The following MACF1 variants were observed in gnomAD, a reference collection of about 807,000 sequenced individuals.
MACF1 encodes microtubule actin crosslinking factor 1, also known as microtubule-actin cross-linking factor 1.
Under a neutral mutation model 854.8 loss-of-function variants are expected in MACF1, and 193 were observed. The ratio of observed to expected loss-of-function variants is 0.23; its 90% CI spans 0.20 to 0.25. The LOEUF (loss-of-function observed/expected upper bound fraction) is 0.25, where lower values mean the gene tolerates loss of function less well. Among genes scored for constraint, MACF1 ranks in the 10% least tolerant of loss-of-function variants. The pLI is 1.00. For missense variants in MACF1, 7,722 were observed against 8,929.1 expected (o/e 0.86, Z 5.45); for synonymous variants, 3,185 against 3,226.7 (o/e 0.99, Z 0.44).
intron 92 of MACF1, among the ~76,000 whole-genome samples, chr1:39,461,127 G>T (rs1570163352): frequency 6.6e-6 from 1 of 150,510 alleles, no homozygotes; most frequent in South Asian, 2.1e-4. Flanking sequence ...GAGGTTTTCA[G>T]CTGGGAAACA....
chr1:39,331,065 C>A, intron 36 of MACF1, 138 bp from the exon 37 acceptor site: 1 of 1,256,194 alleles, frequency 8.0e-7, no homozygotes, highest in Non-Finnish European at 1.0e-6. Context: ...AGATTATAGG[C>A]GTGAGCCACT....
rs1225839516 is a variant in MACF1, at chr1:39,105,618, G to A, written c.220+21180G>A. 4 of 1,222,840 alleles carry A rather than the reference G, an allele frequency of 3.3e-6. No homozygotes were observed. Among genetic ancestry groups the A allele is most frequent in the Non-Finnish European group, 4.2e-6 (4 of 955,492 alleles). 75.7% of individuals were successfully genotyped at this position (1,222,840 alleles called of 1,614,324 possible). On this transcript the variant is annotated intron_variant, in intron 2 of 93. Transcript: ENST00000361689. The surrounding 1 kb of genome is among the most constrained non-coding windows in gnomAD (Gnocchi z 5.9). The stretch of plus-strand genomic sequence containing the variant: ...GGGGCTCGGCGAGAAGGCGGTGCGG[G>A]CGGCCATGGCCGGCTACGTGCCGGG...
intron 58 of MACF1, among the ~76,000 whole-genome samples, chr1:39,406,738 C>CAGAA (rs1642718296): frequency 3.1e-5 from 1 of 31,838 alleles, no homozygotes; most frequent in Non-Finnish European, 5.9e-5. Context: ...GAGTCTCACT[C>CAGAA]AAAAAAAAAA....
rs1643039497 is a variant in MACF1 at position 39,132,880 on chromosome 1, AT to A, written c.220+48444del. Among the ~76,000 whole-genome samples, 8 of 152,172 alleles carry A rather than the reference AT, an allele frequency of 5.3e-5. No homozygotes were observed. In the South Asian group the frequency reaches 1.5e-3, roughly 28 times the overall value. ...TGGGAGAGACACAGGCTCTAAGAAGATTGTTTCGAATCCCTTTCCTGGGCTG... is the reference window on the plus strand; with the variant it reads ...TGGGAGAGACACAGGCTCTAAGAAGATGTTTCGAATCCCTTTCCTGGGCTG... On this transcript the variant is annotated intron_variant, in intron 2 of 93. Transcript: ENST00000361689.
At chr1:39,449,500 G>A (rs1454385078) in intron 84 of MACF1, among the ~76,000 whole-genome samples, 2 of 151,576 alleles carry the variant, frequency 1.3e-5, no homozygotes, top group Non-Finnish European at 2.9e-5. Context: ...CCAGGTTCAC[G>A]CCATTCTCCT....
At chr1:39,205,236 G>A (rs978161751) in intron 1 of MACF1, 105 bp downstream of exon 1, 82 of 669,614 alleles carry the variant, frequency 1.2e-4, no homozygotes, top group Admixed American at 2.2e-4. Flanking sequence ...GGGCCAGTAC[G>A]TCCTTCAGCT....
chr1:39,268,138 C>T (rs1489344791), intron 6 of MACF1, among the ~76,000 whole-genome samples: 9 of 152,150 alleles, frequency 5.9e-5, no homozygotes, highest in African/African-American at 1.2e-4. Flanking sequence ...CTTCTTGGCC[C>T]GGGCCCTTCC....
upstream of MACF1, among the ~76,000 whole-genome samples, chr1:39,202,591 T>C (rs1644404635): frequency 6.6e-6 from 1 of 151,370 alleles, no homozygotes; most frequent in African/African-American, 2.4e-5. Flanking sequence ...GCCAAGATCA[T>C]GCCACTGCAC....
chr1:39,389,360 T>G (rs1390502935), intron 58 of MACF1, among the ~76,000 whole-genome samples: 3 of 124,206 alleles, frequency 2.4e-5, no homozygotes, highest in African/African-American at 1.1e-4. Context: ...TGTTTTTTTT[T>G]TTTTTTTTTT....
In MACF1 at chr1:39,388,273, G is replaced by T; in HGVS notation, c.15431G>T (p.Gly5144Val). 1.2e-6 allele frequency: 2 copies of T among 1,614,186 alleles called. No homozygotes were observed. Among genetic ancestry groups the T allele is most frequent in the Non-Finnish European group, 1.7e-6 (2 of 1,180,042 alleles). The change falls in exon 58 of 101, where the codon GGC becomes GTC. Residue 5144 changes from glycine to valine, a missense_variant. Gly to Val is a moderately radical substitution (Grantham distance 109, BLOSUM62 -3). Transcript: ENST00000564288. ...QLADLDDELD[G>V]MGAIGRDTDS... ...GCAGACCTGGATGATGAGCTAGATG[G>T]CATGGGTGCTATTGGCAGAGACACT...
At chr1:39,479,685 C>T in intron 97 of MACF1, 113 bp from the exon 98 acceptor site, 1 of 851,272 alleles carries the variant, frequency 1.2e-6, no homozygotes, top group Non-Finnish European at 1.9e-6. Context: ...ACAGATGGTA[C>T]TAAACCCATA....
Position 39,481,041 on chromosome 1 carries a change from G to A in MACF1, c.22281+11G>A. On this transcript the variant is annotated intron_variant, in intron 99 of 100. Coordinates refer to ENST00000564288, the MANE Select transcript of MACF1 (RefSeq NM_001394062.1). Reference sequence around the variant, plus strand: ...CTGCCCACCCCCGAGGTAGAGTATGGCTTTGCTGACTGAGGACACAGTCAA... The same window carrying A: ...CTGCCCACCCCCGAGGTAGAGTATGACTTTGCTGACTGAGGACACAGTCAA... 4 of 1,524,072 alleles carry A rather than the reference G, an allele frequency of 2.6e-6. No homozygotes were observed. The highest frequency in any genetic ancestry group is 3.6e-6 in the Non-Finnish European group (4 of 1,122,916). 94.4% of individuals were successfully genotyped at this position (1,524,072 alleles called of 1,614,324 possible).
At chr1:39,386,637 G>T (rs544610026) in intron 57 of MACF1, among the ~76,000 whole-genome samples, 6 of 152,246 alleles carry the variant, frequency 3.9e-5, no homozygotes, top group African/African-American at 1.4e-4. Context: ...TCACCATGTT[G>T]GCCAGGCTGG....
chr1:39,448,273 AATG>A, intron 83 of MACF1, 121 bp downstream of exon 83: 2 of 1,154,276 alleles, frequency 1.7e-6, no homozygotes, highest in South Asian at 3.2e-5. Context: ...TAAAAGTCAA[AATG>A]ATGAAGCCAG....
chr1:39,324,341 A>G lies in MACF1; in HGVS notation c.4385A>G (p.Gln1462Arg), dbSNP rs375455743. Residue 1462 changes from glutamine (Q) to arginine (R), a missense_variant, in exon 34 of 101, where the codon CAG becomes CGG. Gln to Arg is a conservative substitution (Grantham distance 43). Transcript: ENST00000564288. ...STDIEKAILE[Q>R]QVLSEELTTK... Reference sequence around the variant, plus strand: ...GACATTGAAAAAGCTATTTTGGAACAGCAGGTGAGAAGAAGGTCCATCTCT... The same window carrying G: ...GACATTGAAAAAGCTATTTTGGAACGGCAGGTGAGAAGAAGGTCCATCTCT... 22 of 1,613,434 alleles carry G rather than the reference A, an allele frequency of 1.4e-5. No homozygotes were observed. The highest frequency in any genetic ancestry group is 1.6e-4 in the Middle Eastern group (1 of 6,074).
Position 39,126,144 on chromosome 1 carries a change from T to C in MACF1, c.220+41706T>C, listed in dbSNP as rs148496126. Among the ~76,000 whole-genome samples, 1,048 of 152,254 alleles carry C rather than the reference T, an allele frequency of 6.9e-3. 8 individuals carry two copies. The highest frequency in any genetic ancestry group is 9.7e-3 in the Non-Finnish European group (657 of 68,002). On this transcript the variant is annotated intron_variant, in intron 2 of 93. Coordinates refer to the MACF1 transcript ENST00000361689. ...AACTGGGTGGCTTAAACAACAGATA[T>C]TTATTGTCTTACAGTTCTGGAGGCG...
intron 2 of MACF1, among the ~76,000 whole-genome samples, chr1:39,122,034 C>T (rs982396573): frequency 2.0e-5 from 3 of 152,098 alleles, no homozygotes; most frequent in African/African-American, 7.2e-5. Flanking sequence ...AGTAGAGTTA[C>T]AAAAATTGTT....
rs745881859 is a variant in MACF1 at position 39,442,096 on chromosome 1, A to G, written c.18774+43A>G. 5.6e-6 allele frequency: 9 copies of G among 1,594,466 alleles called. No homozygotes were observed. In the East Asian group the frequency reaches 6.7e-5, roughly 12 times the overall value. Reference sequence around the variant, plus strand: ...GCTTTTGAAGAAGAATTGTTTTATTATAGTTTTTAAAGGCTTGATTTGATG... The same window carrying G: ...GCTTTTGAAGAAGAATTGTTTTATTGTAGTTTTTAAAGGCTTGATTTGATG... On this transcript the variant is annotated intron_variant, in intron 75 of 100. Coordinates refer to ENST00000564288, the MANE Select transcript of MACF1 (RefSeq NM_001394062.1).
rs1487729754 is a variant in MACF1 at position 39,310,898 on chromosome 1, G to A, written c.3168G>A (p.Glu1056=). 4.3e-6 allele frequency: 7 copies of A among 1,614,068 alleles called. No homozygotes were observed. Among genetic ancestry groups the A allele is most frequent in the Non-Finnish European group, 5.9e-6 (7 of 1,180,024 alleles). The part of the protein sequence containing the change: ...SELKNIRLRL[E]EYEQRVVKRI... The stretch of plus-strand genomic sequence containing the variant: ...TGAAGAACATCCGGCTACGCCTGGA[G>A]GAGTATGAACAGAGGGTGGTCAAAC... Residue 1056 remains glutamate (E), a synonymous_variant, in exon 26 of 101, where the codon GAG becomes GAA. Transcript: ENST00000564288.
Sources: gnomAD v4.1 joint callset for allele counts (sites outside exome capture counted in the v4.1 genomes callset) on GRCh38, gnomAD v4.1.1 for gene constraint, Gnocchi (gnomAD v3.1) non-coding constraint, MANE v1.5 for transcripts, NCBI Gene and HGNC (gene_info 2026-07-23, HGNC 2026-07-21) for gene names.